Variants in COL19A1 observed in about 807,000 individuals in gnomAD.
COL19A1 encodes the protein collagen alpha-1(XIX) chain.
In COL19A1, 159 loss-of-function variants were observed where a neutral mutation model predicts 190.2. That is an observed-to-expected ratio of 0.84 (90% CI 0.73 to 0.95). The LOEUF is 0.95. COL19A1 is among the 40% of genes least tolerant of loss of function. The probability of loss-of-function intolerance (pLI) is 0.00; values close to 1 mark genes in which losing one functional copy is unlikely to be tolerated. For missense variants in COL19A1, 1,418 were observed against 1,431.9 expected, an observed-to-expected ratio of 0.99 and a Z score of 0.16; for synonymous variants, 509 against 458.9, an observed-to-expected ratio of 1.11 and a Z score of -1.39.
intron 40 of COL19A1, 108 bp from the exon 41 acceptor site, chr6:70,171,856 T>C: frequency 2.4e-6 from 2 of 845,756 alleles, no homozygotes; most frequent in Non-Finnish European, 2.0e-6. Flanking sequence ...AAATTACACA[T>C]CAATGTTTGG....
intron 16 of COL19A1, among the ~76,000 whole-genome samples, chr6:70,106,344 G>A (rs1350729080): frequency 6.6e-6 from 1 of 151,992 alleles, no homozygotes; most frequent in African/African-American, 2.4e-5. Context: ...GTGTGTGTGT[G>A]TGTGTGTGTG....
chr6:69,899,574 G>C (rs1367013107), intron 3 of COL19A1, among the ~76,000 whole-genome samples: 1 of 151,964 alleles, frequency 6.6e-6, no homozygotes, highest in Non-Finnish European at 1.5e-5. Flanking sequence ...AATTATAAAA[G>C]TGTCCATTGT....
rs1767450993 is a variant in COL19A1, at chr6:69,866,567, G to C, written c.-106G>C. The C allele has an allele frequency of 6.6e-6, 1 of 152,434 alleles. No individual in the cohort carries two copies. The highest frequency in any genetic ancestry group is 2.4e-5 in the African/African-American group (1 of 41,458). 9.4% of individuals were successfully genotyped at this position (152,434 alleles called of 1,614,324 possible). ...CGTCCCCCTTCCCCACTCGCAGGGA[G>C]CTCACTCCTCGGCGGTGCCGCAGCC... On this transcript the variant is annotated 5_prime_UTR_variant, in exon 1 of 51. Transcript: ENST00000620364.
chr6:70,063,569 G>T (rs1780978889), intron 14 of COL19A1, among the ~76,000 whole-genome samples: 1 of 152,240 alleles, frequency 6.6e-6, no homozygotes, highest in Non-Finnish European at 1.5e-5. Flanking sequence ...GCAATTAAAA[G>T]AACTAGAGAA....
intron 11 of COL19A1, among the ~76,000 whole-genome samples, chr6:70,002,611 A>G (rs754820582): frequency 2.0e-5 from 3 of 150,212 alleles, no homozygotes; most frequent in Non-Finnish European, 3.0e-5. Flanking sequence ...ATATTTATAT[A>G]TATATATATC....
chr6:69,951,032 A>G (rs1774096697), intron 9 of COL19A1, among the ~76,000 whole-genome samples: 1 of 151,934 alleles, frequency 6.6e-6, no homozygotes. Flanking sequence ...CCCATATTCT[A>G]TCTACTAAAT....
At position 70,211,480 on chromosome 6, in the gene COL19A1, C is replaced by T. The variant is rs989082369; in HGVS notation, c.*4206C>T. Among the ~76,000 whole-genome samples the T allele has an allele frequency of 1.3e-4, 19 of 150,964 alleles. No homozygotes were observed. Among genetic ancestry groups the T allele is most frequent in the African/African-American group, 4.4e-4 (18 of 40,986 alleles). Reference sequence around the variant, plus strand: ...GTTGACACATTTTTGTACCATCCCCCTTTTGTACCATCTCTGCTCACAAAG... The same window carrying T: ...GTTGACACATTTTTGTACCATCCCCTTTTTGTACCATCTCTGCTCACAAAG... On this transcript the variant is annotated 3_prime_UTR_variant, in exon 51 of 51. Coordinates refer to ENST00000620364, the MANE Select transcript of COL19A1 (RefSeq NM_001858.6).
intron 9 of COL19A1, among the ~76,000 whole-genome samples, chr6:69,953,979 C>T (rs1453777211): frequency 1.3e-5 from 2 of 151,818 alleles, no homozygotes; most frequent in African/African-American, 4.8e-5. Flanking sequence ...TTAGAGTTTC[C>T]TTAAAGTGGC....
At chr6:69,936,027 T>C (rs1474276815) in intron 7 of COL19A1, among the ~76,000 whole-genome samples, 1 of 152,164 alleles carries the variant, frequency 6.6e-6, no homozygotes, top group Non-Finnish European at 1.5e-5. Flanking sequence ...TAGTGCTTTC[T>C]CTTCGTGAAA....
At chr6:70,029,343 T>C (rs2150111233) in intron 12 of COL19A1, among the ~76,000 whole-genome samples, 1 of 152,282 alleles carries the variant, frequency 6.6e-6, no homozygotes. Flanking sequence ...ATAATTCTAG[T>C]TATAATACTG....
chr6:69,905,115 T>C (rs1561981822), intron 4 of COL19A1, among the ~76,000 whole-genome samples: 1 of 152,138 alleles, frequency 6.6e-6, no homozygotes, highest in East Asian at 1.9e-4. Context: ...CCCGGGAGCC[T>C]TCAGGGGCCA....
rs532350752 is a variant in COL19A1, at chr6:70,210,333, C to T, written c.*3059C>T. 4.6e-5 allele frequency among the ~76,000 whole-genome samples: 7 copies of T among 152,212 alleles called. No individual in the cohort carries two copies. The highest frequency in any genetic ancestry group is 4.6e-4 in the Admixed American group (7 of 15,294). ...TCCAAAGAAAAACAGAAGAATAATT[C>T]ATGGATTTGTTCATTGTTCTTTCCA... On this transcript the variant is annotated 3_prime_UTR_variant, in exon 51 of 51. Coordinates refer to ENST00000620364, the MANE Select transcript of COL19A1 (RefSeq NM_001858.6).
At chr6:70,178,519 G>T (rs931389141) in intron 42 of COL19A1, among the ~76,000 whole-genome samples, 2 of 152,198 alleles carry the variant, frequency 1.3e-5, no homozygotes, top group Non-Finnish European at 2.9e-5. Flanking sequence ...AGATAAAATA[G>T]TTAAAAGAAT....
intron 47 of COL19A1, among the ~76,000 whole-genome samples, chr6:70,189,416 T>A (rs1398733419): frequency 1.3e-5 from 2 of 152,220 alleles, no homozygotes; most frequent in Non-Finnish European, 2.9e-5. Context: ...TCTTCTGTTA[T>A]GGTCTTTGTT....
chr6:70,144,836 TAAA>T lies in COL19A1; in HGVS notation c.1681-80_1681-78del. ...AGTTTGACTGGCTATGATGACAACTTAAAACAATGGAAACCACTACCTCCTCAC... is the reference window on the plus strand; with the variant it reads ...AGTTTGACTGGCTATGATGACAACTTACAATGGAAACCACTACCTCCTCAC... On this transcript the variant is annotated intron_variant, in intron 24 of 50. Coordinates refer to ENST00000620364, the MANE Select transcript of COL19A1 (RefSeq NM_001858.6). The T allele has an allele frequency of 4.6e-6, 4 of 868,804 alleles. No individual in the cohort carries two copies. In the South Asian group the frequency reaches 6.1e-5, roughly 13 times the overall value. The allele number at this position is 868,804 out of a possible 1,614,324, so 53.8% of individuals were successfully genotyped here.
At chr6:70,158,366 C>T (rs1335031824) in intron 34 of COL19A1, among the ~76,000 whole-genome samples, 1 of 152,062 alleles carries the variant, frequency 6.6e-6, no homozygotes, top group Non-Finnish European at 1.5e-5. Flanking sequence ...ACAGTATGGA[C>T]TTGAGATCTA....
At chr6:70,050,289 C>T (rs894030295) in intron 14 of COL19A1, among the ~76,000 whole-genome samples, 2 of 151,940 alleles carry the variant, frequency 1.3e-5, no homozygotes, top group African/African-American at 4.8e-5. Flanking sequence ...TAGCAATGAG[C>T]CTAAAGTTCT....
At chr6:70,070,985 A>G (rs1378193341) in intron 15 of COL19A1, among the ~76,000 whole-genome samples, 1 of 152,148 alleles carries the variant, frequency 6.6e-6, no homozygotes, top group Non-Finnish European at 1.5e-5. Flanking sequence ...TATTTAAATG[A>G]AACATAAAAT....
At chr6:69,921,179 C>CGT in intron 4 of COL19A1, among the ~76,000 whole-genome samples, 1 of 129,082 alleles carries the variant, frequency 7.7e-6, no homozygotes, top group South Asian at 2.4e-4. Context: ...ATACGTATCA[C>CGT]ATATATTCAT....
Sources: allele counts gnomAD v4.1 joint callset (sites outside exome capture counted in the v4.1 genomes callset), GRCh38; gene constraint gnomAD v4.1.1; transcripts MANE v1.5; gene names NCBI Gene and HGNC (gene_info 2026-07-23, HGNC 2026-07-21).